The following ATP10D variants were observed in gnomAD, a reference collection of about 807,000 sequenced individuals.
ATP10D encodes ATPase phospholipid transporting 10D (putative).
A neutral mutation model predicts 144.8 loss-of-function variants in ATP10D; 89 were observed. That is an observed-to-expected ratio of 0.61 (90% CI 0.52 to 0.73). The LOEUF (loss-of-function observed/expected upper bound fraction) is 0.73. ATP10D is among the 30% of genes least tolerant of loss of function. The pLI is 0.00. For synonymous variants in ATP10D, 571 were observed against 615.1 expected, an observed-to-expected ratio of 0.93 and a Z score of 1.06; for missense variants, 1,603 against 1,714.8, an observed-to-expected ratio of 0.93 and a Z score of 1.15.
chr4:47,532,507 A>C (rs768692011), intron 5 of ATP10D, among the ~76,000 whole-genome samples: 2 of 152,194 alleles, frequency 1.3e-5, no homozygotes, highest in Non-Finnish European at 1.5e-5. Context: ...ATTCATGTCC[A>C]TCCTGAGAGC....
intron 5 of ATP10D, among the ~76,000 whole-genome samples, chr4:47,528,490 TGTGTGTGTGTGTGTGTGTGTGTGTATA>T: frequency 7.8e-6 from 1 of 127,508 alleles, no homozygotes; most frequent in Non-Finnish European, 1.7e-5. Context: ...TGTGTGTGTG[TGTGTGTGTGTGTGTGTGTGTGTGTATA>T]TATATATATA....
At chr4:47,505,618 C>A (rs904686684) in intron 1 of ATP10D, among the ~76,000 whole-genome samples, 4 of 152,068 alleles carry the variant, frequency 2.6e-5, no homozygotes, top group African/African-American at 9.7e-5. Flanking sequence ...TGCCTATAGT[C>A]CCAGCTACTT....
Position 47,501,802 on chromosome 4 carries a change from G to C in ATP10D, c.-37-10702G>C, listed in dbSNP as rs150711948. Among the ~76,000 whole-genome samples, 480 of 152,204 alleles carry C rather than the reference G, an allele frequency of 3.2e-3. 4 individuals carry two copies. Among genetic ancestry groups the C allele is most frequent in the African/African-American group, 0.011 (456 of 41,534 alleles). On this transcript the variant is annotated intron_variant, in intron 1 of 22. Transcript: ENST00000273859. ...ATCCTTTGCATATAACCTGTTATAT[G>C]TCTATAAATGGTAGATATTGTTATG...
intron 10 of ATP10D, among the ~76,000 whole-genome samples, chr4:47,551,477 G>A (rs565005942): frequency 5.9e-5 from 9 of 152,172 alleles, no homozygotes; most frequent in African/African-American, 1.4e-4. Context: ...GGTAATATGT[G>A]TTTATTTTCC....
intron 13 of ATP10D, 46 bp downstream of exon 13, chr4:47,559,075 T>A: frequency 6.7e-7 from 1 of 1,500,996 alleles, no homozygotes; most frequent in Middle Eastern, 1.7e-4. Flanking sequence ...TTTCCCTTGT[T>A]TAGCTATCAC....
Position 47,557,687 on chromosome 4 carries a change from G to A in ATP10D, c.1848G>A (p.Gly616=), listed in dbSNP as rs1380352265. The A allele has an allele frequency of 6.2e-7, 1 of 1,610,504 alleles. No homozygotes were observed. Among genetic ancestry groups the A allele is most frequent in the Non-Finnish European group, 8.5e-7 (1 of 1,177,054 alleles). ...RQKIRHPSLG[G]LPIKSLEEIK... is the part of the protein sequence containing the mutation. ...AGATCAGACACCCTTCACTGGGGGG[G>A]TTGCCCATTAAGTCTTTGGAAGAGA... Residue 616 remains glycine, a synonymous_variant, in exon 12 of 23, where the codon GGG becomes GGA. Transcript: ENST00000273859.
At chr4:47,539,222 G>A (rs13140873) in intron 9 of ATP10D, among the ~76,000 whole-genome samples, 58,135 of 151,848 alleles carry the variant, frequency 0.38, 11,764 homozygotes, top group East Asian at 0.83. Context: ...CATCATACCT[G>A]GTATTGTTAA....
At chr4:47,528,422 G>A (rs972356766) in intron 5 of ATP10D, among the ~76,000 whole-genome samples, 1 of 149,778 alleles carries the variant, frequency 6.7e-6, no homozygotes, top group Non-Finnish European at 1.5e-5. Context: ...CAAAAGTCAT[G>A]ATTTCATTGT....
At position 47,578,958 on chromosome 4, in the gene ATP10D, A is replaced by G. The variant is rs142724596; in HGVS notation, c.3568-1440A>G. Among the ~76,000 whole-genome samples the G allele has an allele frequency of 1.2e-4, 19 of 152,344 alleles. No individual in the cohort carries two copies. The East Asian group carries it at 3.7e-3, about 29-fold the overall frequency. Reference sequence around the variant, plus strand: ...TTTGTTCTTTAAGAGACAGTGAGACATTTTCAAGGAAGTTTCAGCCTCTGC... The same window carrying G: ...TTTGTTCTTTAAGAGACAGTGAGACGTTTTCAAGGAAGTTTCAGCCTCTGC... On this transcript the variant is annotated intron_variant, in intron 19 of 22. Coordinates refer to ENST00000273859, the MANE Select transcript of ATP10D (RefSeq NM_020453.4).
intron 1 of ATP10D, among the ~76,000 whole-genome samples, chr4:47,487,580 A>G (rs1362759601): frequency 6.6e-6 from 1 of 152,260 alleles, no homozygotes; most frequent in East Asian, 1.9e-4. Context: ...TGATTTATCA[A>G]CTCTAGGAAT....
chr4:47,488,612 CAAAAAAAAAAAAA>C (rs56859197), intron 1 of ATP10D, among the ~76,000 whole-genome samples: 2,771 of 91,380 alleles, frequency 0.03, 121 homozygotes, highest in African/African-American at 0.1. Context: ...ATATAATAAG[CAAAAAAAAAAAAA>C]AAAAAAAAAG....
At chr4:47,513,814 T>C (rs1190415377) in intron 2 of ATP10D, among the ~76,000 whole-genome samples, 1 of 152,172 alleles carries the variant, frequency 6.6e-6, no homozygotes, top group Non-Finnish European at 1.5e-5. Flanking sequence ...AGTATTTCAC[T>C]ATGGAAGCAG....
chr4:47,541,384 C>A (rs909435257), intron 9 of ATP10D, among the ~76,000 whole-genome samples: 1 of 152,106 alleles, frequency 6.6e-6, no homozygotes, highest in African/African-American at 2.4e-5. Context: ...GATTTTCAGG[C>A]AGTCAGTATT....
intron 1 of ATP10D, among the ~76,000 whole-genome samples, chr4:47,494,013 T>C (rs1209872255): frequency 2.6e-5 from 4 of 152,312 alleles, no homozygotes; most frequent in Non-Finnish European, 5.9e-5. Flanking sequence ...CAGATACCTC[T>C]GTGTTATTAC....
chr4:47,538,031 TAA>T (rs1177633179), intron 9 of ATP10D, among the ~76,000 whole-genome samples: 1 of 152,212 alleles, frequency 6.6e-6, no homozygotes, highest in Non-Finnish European at 1.5e-5. Flanking sequence ...AATATCATGC[TAA>T]TTTACATTCC....
At chr4:47,528,407 T>G (rs1358779672) in intron 5 of ATP10D, among the ~76,000 whole-genome samples, 1 of 151,530 alleles carries the variant, frequency 6.6e-6, no homozygotes, top group Non-Finnish European at 1.5e-5. Flanking sequence ...CCATCCATGT[T>G]GCTGCAAAAG....
intron 6 of ATP10D, 136 bp from the exon 7 acceptor site, chr4:47,535,766 A>G (rs367859413): frequency 2.2e-6 from 3 of 1,333,822 alleles, no homozygotes; most frequent in East Asian, 2.5e-5. Context: ...AATGGATCAC[A>G]AAAGCAGATT....
At chr4:47,588,707 T>C (rs1380000694) in intron 22 of ATP10D, among the ~76,000 whole-genome samples, 1 of 152,194 alleles carries the variant, frequency 6.6e-6, no homozygotes, top group Non-Finnish European at 1.5e-5. Flanking sequence ...TACTTATATA[T>C]AACAATATCA....
chr4:47,535,428 A>C, intron 5 of ATP10D, 81 bp from the exon 6 acceptor site: 2 of 1,097,866 alleles, frequency 1.8e-6, no homozygotes, highest in East Asian at 2.8e-5. Flanking sequence ...CAAGTCAAAA[A>C]CATTCAAGGG....
Sources: allele counts gnomAD v4.1 joint callset (sites outside exome capture counted in the v4.1 genomes callset), GRCh38; gene constraint gnomAD v4.1.1; transcripts MANE v1.5; gene names NCBI Gene and HGNC (gene_info 2026-07-23, HGNC 2026-07-21).